The following PDS5A variants were observed in gnomAD, a reference collection of about 807,000 sequenced individuals.
The protein encoded by PDS5A is sister chromatid cohesion protein PDS5 homolog A.
Under a neutral mutation model 167.1 loss-of-function variants are expected in PDS5A, and 42 were observed. The ratio of observed to expected loss-of-function variants is 0.25; its 90% CI spans 0.20 to 0.33. The LOEUF is 0.33. PDS5A is among the 10% of genes least tolerant of loss of function. The pLI, the probability that PDS5A is intolerant of heterozygous loss-of-function variation, is 1.00. For synonymous variants in PDS5A, 553 were observed against 554.6 expected (o/e 1.00, Z 0.04); for missense variants, 1,033 against 1,605.9 (o/e 0.64, Z 6.10).
At chr4:39,965,595 A>G (rs745677946) in intron 2 of PDS5A, among the ~76,000 whole-genome samples, 45 of 152,256 alleles carry the variant, frequency 3.0e-4, no homozygotes, top group Non-Finnish European at 5.4e-4. Flanking sequence ...AACACATGCT[A>G]TAATACGGAT....
intron 27 of PDS5A, 36 bp downstream of exon 27, chr4:39,849,484 A>C (rs538104905): frequency 7.3e-7 from 1 of 1,361,254 alleles, no homozygotes; most frequent in East Asian, 2.4e-5. Flanking sequence ...TTTTTCTATT[A>C]CATCTTAACA....
At chr4:39,918,260 T>G (rs560767887) in intron 7 of PDS5A, among the ~76,000 whole-genome samples, 29 of 152,020 alleles carry the variant, frequency 1.9e-4, no homozygotes, top group Admixed American at 5.2e-4. Flanking sequence ...AGGATTTTTT[T>G]TTGTTGTTGG....
intron 12 of PDS5A, among the ~76,000 whole-genome samples, 190 bp from the exon 13 acceptor site, chr4:39,902,650 GTAGC>G (rs768353904): frequency 2.6e-5 from 4 of 151,728 alleles, no homozygotes; most frequent in Non-Finnish European, 5.9e-5. Flanking sequence ...AGCCTCTCCA[GTAGC>G]TAGGACTACA....
intron 32 of PDS5A, among the ~76,000 whole-genome samples, chr4:39,829,182 T>C (rs1359545666): frequency 6.6e-6 from 1 of 152,186 alleles, no homozygotes; most frequent in African/African-American, 2.4e-5. Flanking sequence ...AACAGGATGA[T>C]CCTCACCAGG....
At chr4:39,963,971 A>G (rs1729743952) in intron 2 of PDS5A, among the ~76,000 whole-genome samples, 1 of 152,090 alleles carries the variant, frequency 6.6e-6, no homozygotes, top group Non-Finnish European at 1.5e-5. Flanking sequence ...CAGTGGAGCA[A>G]TCTTGACTCA....
intron 21 of PDS5A, among the ~76,000 whole-genome samples, chr4:39,870,072 T>C (rs1408218609): frequency 6.6e-6 from 1 of 151,822 alleles, no homozygotes; most frequent in African/African-American, 2.4e-5. Context: ...TTGCGCCACC[T>C]CACTCCAGGC....
chr4:39,897,582 A>G (rs957615086), intron 16 of PDS5A, among the ~76,000 whole-genome samples: 1 of 152,070 alleles, frequency 6.6e-6, no homozygotes, highest in African/African-American at 2.4e-5. Context: ...TATTTTTAGT[A>G]GAGATGGGGT....
At chr4:39,851,361 G>A (rs753002292) in intron 26 of PDS5A, among the ~76,000 whole-genome samples, 7 of 151,406 alleles carry the variant, frequency 4.6e-5, no homozygotes, top group Admixed American at 6.6e-5. Context: ...GTGCAGTGGC[G>A]TGATCACAGC....
intron 32 of PDS5A, among the ~76,000 whole-genome samples, chr4:39,835,481 C>T (rs1253650132): frequency 1.3e-5 from 2 of 152,160 alleles, no homozygotes; most frequent in Non-Finnish European, 2.9e-5. Context: ...GGTCTAAATG[C>T]TACTGAAAAA....
intron 2 of PDS5A, chr4:39,973,750 G>A: frequency 2.3e-6 from 3 of 1,297,296 alleles, no homozygotes; most frequent in East Asian, 2.3e-5. Context: ...AAGTGTACGA[G>A]CTGTGCCCAA....
chr4:39,956,031 T>C (rs1451418744), intron 2 of PDS5A, among the ~76,000 whole-genome samples: 1 of 151,384 alleles, frequency 6.6e-6, no homozygotes, highest in East Asian at 1.9e-4. Flanking sequence ...CGTGGGAGGA[T>C]TGCTTGAACA....
intron 9 of PDS5A, among the ~76,000 whole-genome samples, chr4:39,911,554 C>T (rs779719181): frequency 5.3e-5 from 8 of 151,918 alleles, no homozygotes; most frequent in Admixed American, 1.3e-4. Flanking sequence ...ACATGTTGGC[C>T]GGGCGCGGTG....
chr4:39,841,179 G>T (rs1174163702), intron 31 of PDS5A, among the ~76,000 whole-genome samples: 1 of 152,110 alleles, frequency 6.6e-6, no homozygotes. Context: ...TCGCTCTGTC[G>T]TTCAGGCTGG....
At chr4:39,955,708 A>G (rs992396482) in intron 2 of PDS5A, among the ~76,000 whole-genome samples, 1 of 151,928 alleles carries the variant, frequency 6.6e-6, no homozygotes, top group African/African-American at 2.4e-5. Flanking sequence ...TTCCTGGGGG[A>G]CGGGAGTGTT....
rs528686113 is a variant in PDS5A, at chr4:39,972,739, G to A, written c.138+3701C>T. Among the ~76,000 whole-genome samples, 303 of 148,162 alleles carry A rather than the reference G, an allele frequency of 2.0e-3. 1 individual carries two copies. The highest frequency in any genetic ancestry group is 7.3e-3 in the African/African-American group (293 of 40,056). On this transcript the variant is annotated intron_variant, in intron 2 of 32. Coordinates refer to ENST00000303538, the MANE Select transcript of PDS5A (RefSeq NM_001100399.2). ...AAAAGAATTTTATAATCCAAATTAC[G>A]CTTCCTTGCTCAGTTATCAATTCTG...
At chr4:39,929,998 G>A (rs1392882997) in intron 2 of PDS5A, among the ~76,000 whole-genome samples, 3 of 150,140 alleles carry the variant, frequency 2.0e-5, no homozygotes, top group Non-Finnish European at 4.4e-5. Context: ...GGCAGATCAC[G>A]AGGTCAGAAG....
intron 32 of PDS5A, among the ~76,000 whole-genome samples, chr4:39,832,189 G>C (rs1380749673): frequency 6.6e-6 from 1 of 151,868 alleles, no homozygotes; most frequent in Admixed American, 6.6e-5. Context: ...GAAAATGAAT[G>C]TTACGAAATA....
chr4:39,968,162 C>T (rs2109820627), intron 2 of PDS5A, among the ~76,000 whole-genome samples: 1 of 151,800 alleles, frequency 6.6e-6, no homozygotes, highest in Admixed American at 6.6e-5. Flanking sequence ...CCATATTGCC[C>T]AAGCTGGTCT....
At chr4:39,912,829 A>G (rs988743532) in intron 9 of PDS5A, among the ~76,000 whole-genome samples, 8 of 152,240 alleles carry the variant, frequency 5.3e-5, no homozygotes, top group African/African-American at 7.2e-5. Context: ...GAGAAGAAAC[A>G]TTAAAAACTA....
Sources: gnomAD v4.1 joint callset for allele counts (sites outside exome capture counted in the v4.1 genomes callset) on GRCh38, gnomAD v4.1.1 for gene constraint, MANE v1.5 for transcripts, NCBI Gene and HGNC (gene_info 2026-07-23, HGNC 2026-07-21) for gene names.